Variants in SLC38A4 observed in about 807,000 individuals in gnomAD.
SLC38A4 encodes the protein sodium-coupled neutral amino acid transporter 4.
Under a neutral mutation model 63.1 loss-of-function variants are expected in SLC38A4, and 20 were observed. That is an observed-to-expected ratio of 0.32 (90% CI 0.22 to 0.46). The LOEUF is 0.46. SLC38A4 is among the 20% of genes least tolerant of loss of function. SLC38A4 has a pLI of 1.00. For missense variants in SLC38A4, 526 were observed against 663.6 expected (o/e 0.79, Z 2.28); for synonymous variants, 230 against 225.5 (o/e 1.02, Z -0.18).
At chr12:46,786,317 T>C (rs183437043) in intron 5 of SLC38A4, among the ~76,000 whole-genome samples, 71 of 152,208 alleles carry the variant, frequency 4.7e-4, no homozygotes, top group African/African-American at 1.6e-3. Context: ...TGCTATAAAT[T>C]AAGAGAGAAA....
At chr12:46,784,434 T>C (rs1592181216) in intron 7 of SLC38A4, 108 bp downstream of exon 7, 1 of 671,272 alleles carries the variant, frequency 1.5e-6, no homozygotes, top group Non-Finnish European at 2.4e-6. Context: ...GAACTATAAG[T>C]AGCAATTTTT....
At chr12:46,778,403 T>A (rs751441997) in intron 11 of SLC38A4, 35 bp from the exon 12 acceptor site, 1 of 1,611,750 alleles carries the variant, frequency 6.2e-7, no homozygotes, top group Admixed American at 1.7e-5. Context: ...TGTTTAGCAT[T>A]CCAACATAGA....
At chr12:46,800,930 G>C (rs569689470) in intron 2 of SLC38A4, among the ~76,000 whole-genome samples, 8 of 152,086 alleles carry the variant, frequency 5.3e-5, no homozygotes, top group African/African-American at 1.9e-4. Flanking sequence ...AGAAAAAATC[G>C]CTTTGTTGCA....
At chr12:46,829,214 T>A (rs952000357), upstream of SLC38A4, among the ~76,000 whole-genome samples, 3 of 152,212 alleles carry the variant, frequency 2.0e-5, no homozygotes, top group East Asian at 5.8e-4. Flanking sequence ...GTATAAAGAC[T>A]GGCTCTTAAA....
At chr12:46,812,349 CTT>C (rs1939355653) in intron 1 of SLC38A4, among the ~76,000 whole-genome samples, 1 of 151,980 alleles carries the variant, frequency 6.6e-6, no homozygotes, top group Admixed American at 6.6e-5. Flanking sequence ...CTGAGAGGAG[CTT>C]CACTGTTTTT....
chr12:46,768,999 C>A (rs1938356242), intron 15 of SLC38A4, among the ~76,000 whole-genome samples: 1 of 152,112 alleles, frequency 6.6e-6, no homozygotes, highest in South Asian at 2.1e-4. Context: ...TACCTAAGTC[C>A]AAATCCTGGG....
At chr12:46,787,415 G>A (rs746633267) in intron 5 of SLC38A4, among the ~76,000 whole-genome samples, 1 of 152,140 alleles carries the variant, frequency 6.6e-6, no homozygotes, top group Non-Finnish European at 1.5e-5. Context: ...ACTGACATAT[G>A]AGGAGTTAAC....
upstream of SLC38A4, among the ~76,000 whole-genome samples, chr12:46,830,841 G>T (rs2120946455): frequency 6.6e-6 from 1 of 152,334 alleles, no homozygotes; most frequent in South Asian, 2.1e-4. Context: ...TAGAGATGCA[G>T]CTTTTACTCT....
upstream of SLC38A4, among the ~76,000 whole-genome samples, chr12:46,827,596 A>G (rs1939676556): frequency 6.6e-6 from 1 of 152,220 alleles, no homozygotes; most frequent in South Asian, 2.1e-4. Flanking sequence ...TGACTCTGCT[A>G]TAATATACTA....
Position 46,779,592 on chromosome 12 carries a change from A to G in SLC38A4, c.717+19T>C, listed in dbSNP as rs1938597534. 1.9e-6 allele frequency: 3 copies of G among 1,588,636 alleles called. No individual in the cohort carries two copies. The highest frequency in any genetic ancestry group is 2.3e-5 in the South Asian group (2 of 85,710). The stretch of plus-strand genomic sequence containing the variant: ...TCATGCTAACCAACCTGCAAGGATC[A>G]TGTCATCACATCACTTACCACACTA... On this transcript the variant is annotated intron_variant, in intron 10 of 16. Transcript: ENST00000266579.
At chr12:46,791,643 A>G (rs984637691) in intron 3 of SLC38A4, among the ~76,000 whole-genome samples, 4 of 152,190 alleles carry the variant, frequency 2.6e-5, no homozygotes, top group Non-Finnish European at 4.4e-5. Flanking sequence ...TGGGAAATCA[A>G]TTGACTTATC....
chr12:46,831,983 G>A (rs1939738167), intron 1 of SLC38A4, among the ~76,000 whole-genome samples: 1 of 148,748 alleles, frequency 6.7e-6, no homozygotes, highest in Admixed American at 6.6e-5. Context: ...GGCTACCTTG[G>A]CACAACCGCT....
intron 2 of SLC38A4, among the ~76,000 whole-genome samples, chr12:46,794,204 C>T (rs534991257): frequency 1.3e-5 from 2 of 152,156 alleles, no homozygotes; most frequent in Admixed American, 1.3e-4. Context: ...CAGAAACTAC[C>T]ACATGGGAAT....
intron 16 of SLC38A4, among the ~76,000 whole-genome samples, chr12:46,768,096 T>C (rs752089927): frequency 3.3e-5 from 5 of 152,160 alleles, no homozygotes; most frequent in Non-Finnish European, 7.4e-5. Flanking sequence ...TTGACATGTA[T>C]GACAGACTCA....
intron 15 of SLC38A4, 67 bp downstream of exon 15, chr12:46,769,217 T>C: frequency 6.4e-7 from 1 of 1,565,920 alleles, no homozygotes; most frequent in Non-Finnish European, 8.8e-7. Context: ...CCAGCACTGG[T>C]TCCCTGTCCA....
intron 15 of SLC38A4, 110 bp from the exon 16 acceptor site, chr12:46,768,517 G>T: frequency 1.6e-6 from 1 of 615,034 alleles, no homozygotes; most frequent in Non-Finnish European, 2.7e-6. Context: ...CCTATACTTA[G>T]CACTAAAAAC....
intron 4 of SLC38A4, 44 bp downstream of exon 4, chr12:46,788,484 C>A: frequency 6.7e-7 from 1 of 1,484,908 alleles, no homozygotes. Context: ...GTAGATCAGA[C>A]ACCCTCAGTC....
intron 2 of SLC38A4, among the ~76,000 whole-genome samples, chr12:46,796,663 A>C (rs1383435106): frequency 6.6e-6 from 1 of 152,120 alleles, no homozygotes; most frequent in African/African-American, 2.4e-5. Flanking sequence ...AAGCATTTTA[A>C]TGTATCTTCT....
At chr12:46,780,662 A>G (rs1353231399) in intron 7 of SLC38A4, among the ~76,000 whole-genome samples, 1 of 151,968 alleles carries the variant, frequency 6.6e-6, no homozygotes, top group Non-Finnish European at 1.5e-5. Context: ...GGAATTATAT[A>G]AAGTGGCAAA....
Sources: gnomAD v4.1 joint callset for allele counts (sites outside exome capture counted in the v4.1 genomes callset) on GRCh38, gnomAD v4.1.1 for gene constraint, MANE v1.5 for transcripts, NCBI Gene and HGNC (gene_info 2026-07-23, HGNC 2026-07-21) for gene names.